Variants in TTC6 observed in about 807,000 individuals in gnomAD.
TTC6 encodes tetratricopeptide repeat protein 6.
TTC6 carries 172 observed loss-of-function variants against 210.4 expected under a neutral mutation model. The observed-to-expected ratio is 0.82, with a 90% CI of 0.72 to 0.93. The LOEUF (loss-of-function observed/expected upper bound fraction) is 0.93, where lower values mean the gene tolerates loss of function less well. Among genes scored for constraint, TTC6 ranks in the 40% least tolerant of loss-of-function variants. TTC6 has a pLI of 0.00. For missense variants in TTC6, 2,414 were observed against 2,318.1 expected (o/e 1.04, Z -0.85); for synonymous variants, 804 against 819.6 (o/e 0.98, Z 0.32).
intron 1 of TTC6, among the ~76,000 whole-genome samples, chr14:37,605,299 G>A (rs1202025042): frequency 1.3e-5 from 2 of 152,182 alleles, no homozygotes; most frequent in Non-Finnish European, 2.9e-5. Context: ...TTTAGACAAC[G>A]AGTTTGGATG....
intron 20 of TTC6, among the ~76,000 whole-genome samples, chr14:37,799,409 C>T (rs1053733362): frequency 2.0e-5 from 3 of 152,140 alleles, no homozygotes; most frequent in Non-Finnish European, 2.9e-5. Context: ...TCACTTTCCA[C>T]TCATTCTGCT....
chr14:37,680,280 A>G lies in TTC6; in HGVS notation c.1050+19A>G. ...GCAAATGGTAAAGTCTTTAATAAAAATCCTCCTTGCCTCTGTTAAAGTAAC... is the reference window on the plus strand; with the variant it reads ...GCAAATGGTAAAGTCTTTAATAAAAGTCCTCCTTGCCTCTGTTAAAGTAAC... On this transcript the variant is annotated intron_variant, in intron 2 of 30. Transcript: ENST00000553443. 2.1e-6 allele frequency: 3 copies of G among 1,437,366 alleles called. No individual in the cohort carries two copies. Among genetic ancestry groups the G allele is most frequent in the Non-Finnish European group, 1.9e-6 (2 of 1,068,656 alleles). The allele number at this position is 1,437,366 out of a possible 1,614,324, so 89.0% of individuals were successfully genotyped here.
chr14:37,737,752 T>C lies in TTC6; in HGVS notation c.1983+18T>C. The C allele has an allele frequency of 7.3e-7, 1 of 1,374,592 alleles. No homozygotes were observed. The highest frequency in any genetic ancestry group is 2.6e-5 in the East Asian group (1 of 38,746). The allele number at this position is 1,374,592 out of a possible 1,614,324, so 85.1% of individuals were successfully genotyped here. A position where few individuals can be genotyped will look rare whatever the true frequency, so the allele number is the denominator to read the frequency against. On this transcript the variant is annotated intron_variant, in intron 9 of 30. Coordinates refer to ENST00000553443, the Ensembl canonical transcript of TTC6. Reference sequence around the variant, plus strand: ...AACTAAGGGTATTATAATTTTACAGTTTTTACTCTCTAAAAGAAACATTTA... The same window carrying C: ...AACTAAGGGTATTATAATTTTACAGCTTTTACTCTCTAAAAGAAACATTTA...
chr14:37,645,419 A>T (rs1188918610), intron 1 of TTC6, among the ~76,000 whole-genome samples: 1 of 152,190 alleles, frequency 6.6e-6, no homozygotes, highest in Admixed American at 6.6e-5. Context: ...AATGTCAGTA[A>T]ATAAATGAAA....
At chr14:37,798,564 AT>A (rs1225877209) in intron 20 of TTC6, among the ~76,000 whole-genome samples, 3 of 151,630 alleles carry the variant, frequency 2.0e-5, no homozygotes, top group Non-Finnish European at 2.9e-5. Flanking sequence ...TAATAGTTTT[AT>A]TTTTTTCTTT....
chr14:37,726,438 A>G (rs1205775945), intron 7 of TTC6, among the ~76,000 whole-genome samples: 1 of 152,142 alleles, frequency 6.6e-6, no homozygotes, highest in Non-Finnish European at 1.5e-5. Context: ...TTAATATTGA[A>G]ATATCTTTGC....
At chr14:37,692,441 A>G (rs2095805652) in intron 3 of TTC6, among the ~76,000 whole-genome samples, 1 of 152,056 alleles carries the variant, frequency 6.6e-6, no homozygotes. Flanking sequence ...ATAAAAGACA[A>G]AAACCTTATG....
At chr14:37,796,759 A>T (rs372150206) in intron 19 of TTC6, 28 bp from the exon 22 acceptor site, 4 of 1,583,676 alleles carry the variant, frequency 2.5e-6, no homozygotes, top group Non-Finnish European at 3.4e-6. Context: ...CTTGGCAAAG[A>T]TATTGATAAA....
At chr14:37,691,020 TTTTCTC>T (rs1208008659) in intron 3 of TTC6, among the ~76,000 whole-genome samples, 2 of 152,014 alleles carry the variant, frequency 1.3e-5, no homozygotes, top group Admixed American at 1.3e-4. Context: ...ATATTAAACA[TTTTCTC>T]TGACCACAAT....
chr14:37,606,309 G>T (rs754686594), intron 1 of TTC6, among the ~76,000 whole-genome samples: 3 of 152,112 alleles, frequency 2.0e-5, no homozygotes, highest in Non-Finnish European at 2.9e-5. Flanking sequence ...CTTCTCTTTA[G>T]GCCACGTTAC....
rs772614384 is a variant in TTC6, at chr14:37,842,137, AT to A, written c.5525-10del. 22 of 1,492,990 alleles carry A rather than the reference AT, an allele frequency of 1.5e-5. No individual in the cohort carries two copies. The highest frequency in any genetic ancestry group is 2.8e-5 in the South Asian group (2 of 70,472). 92.5% of individuals were successfully genotyped at this position (1,492,990 alleles called of 1,614,324 possible). A position where few individuals can be genotyped will look rare whatever the true frequency, so the allele number is the denominator to read the frequency against. ...TGAGTGCCAACTTAAATATATCTTGATTTTTTTTCTTTTGCAGCCCTGTCTT... is the reference window on the plus strand; with the variant it reads ...TGAGTGCCAACTTAAATATATCTTGATTTTTTTCTTTTGCAGCCCTGTCTT... On this transcript the variant is annotated splice_polypyrimidine_tract_variant and intron_variant, in intron 30 of 30. Transcript: ENST00000553443.
intron 14 of TTC6, among the ~76,000 whole-genome samples, chr14:37,765,751 A>G (rs915461711): frequency 6.6e-6 from 1 of 152,030 alleles, no homozygotes; most frequent in South Asian, 2.1e-4. Context: ...GGACTTCTTC[A>G]GGTTTCATTT....
intron 14 of TTC6, among the ~76,000 whole-genome samples, chr14:37,774,976 T>A (rs1170719582): frequency 6.6e-6 from 1 of 152,136 alleles, no homozygotes; most frequent in Non-Finnish European, 1.5e-5. Flanking sequence ...GGGTATATGT[T>A]TCCAGGAATT....
In TTC6 at chr14:37,753,086, G is replaced by A. The variant is rs4901176; in HGVS notation, c.3130-13G>A. The A allele has an allele frequency of 6.6e-7, 1 of 1,520,318 alleles. No individual in the cohort carries two copies. The highest frequency in any genetic ancestry group is 1.2e-5 in the South Asian group (1 of 81,796). The allele number at this position is 1,520,318 out of a possible 1,614,324, so 94.2% of individuals were successfully genotyped here. A position where few individuals can be genotyped will look rare whatever the true frequency, so the allele number is the denominator to read the frequency against. On this transcript the variant is annotated splice_polypyrimidine_tract_variant and intron_variant, in intron 13 of 30. Coordinates refer to ENST00000553443, the Ensembl canonical transcript of TTC6. ...ATTTTGTGATGTTTATGTACCTCCC[G>A]CTGTCCCTATAGTGTATTTTTTATG...
At chr14:37,654,228 C>T (rs905642715) in intron 1 of TTC6, among the ~76,000 whole-genome samples, 21 of 151,988 alleles carry the variant, frequency 1.4e-4, no homozygotes, top group Admixed American at 1.3e-4. Flanking sequence ...TTTGAGATAG[C>T]GAGTGAGTTA....
At chr14:37,731,710 A>G (rs1326811437) in intron 7 of TTC6, among the ~76,000 whole-genome samples, 2 of 152,206 alleles carry the variant, frequency 1.3e-5, no homozygotes, top group Non-Finnish European at 2.9e-5. Context: ...CTTAGAGTCT[A>G]TCTTTATTAT....
chr14:37,771,143 C>T (rs2096017001), intron 14 of TTC6, among the ~76,000 whole-genome samples: 1 of 152,048 alleles, frequency 6.6e-6, no homozygotes, highest in Non-Finnish European at 1.5e-5. Context: ...CCACTCTCTT[C>T]TGGCTTATAG....
In TTC6 at chr14:37,808,713, A is replaced by G; in HGVS notation, c.4456-20A>G. On this transcript the variant is annotated intron_variant, in intron 23 of 30. Transcript: ENST00000553443. ...CCATTATGATTTTCCTTTCTCACAT[A>G]ATTACTTTTTTCTTTTTAGACTTAT... is the stretch of plus-strand genomic sequence containing the variant. The G allele has an allele frequency of 8.1e-7, 1 of 1,228,886 alleles. No homozygotes were observed. Among genetic ancestry groups the G allele is most frequent in the Non-Finnish European group, 1.1e-6 (1 of 883,272 alleles). 76.1% of individuals were successfully genotyped at this position (1,228,886 alleles called of 1,614,324 possible). A position where few individuals can be genotyped will look rare whatever the true frequency, so the allele number is the denominator to read the frequency against.
chr14:37,604,995 G>T (rs549724433), intron 1 of TTC6, among the ~76,000 whole-genome samples: 1 of 152,330 alleles, frequency 6.6e-6, no homozygotes, highest in Admixed American at 6.5e-5. Flanking sequence ...AAGTCCACCT[G>T]AAATGAAACG....
Sources: gnomAD v4.1 joint callset for allele counts (sites outside exome capture counted in the v4.1 genomes callset) on GRCh38, gnomAD v4.1.1 for gene constraint, MANE v1.5 for transcripts, NCBI Gene and HGNC (gene_info 2026-07-23, HGNC 2026-07-21) for gene names.